Variants in ADAM22 observed in about 807,000 individuals in gnomAD.
The protein encoded by ADAM22 is ADAM metallopeptidase domain 22, also known as disintegrin and metalloproteinase domain-containing protein 22.
In ADAM22, 65 loss-of-function variants were observed where a neutral mutation model predicts 144.6. The ratio of observed to expected loss-of-function variants is 0.45; its 90% CI spans 0.37 to 0.55. The LOEUF (loss-of-function observed/expected upper bound fraction) is 0.55. Among genes scored for constraint, ADAM22 ranks in the 20% least tolerant of loss-of-function variants. The pLI is 0.00. For missense variants in ADAM22, 974 were observed against 1,184.9 expected (o/e 0.82, Z 2.61); for synonymous variants, 391 against 412.6 (o/e 0.95, Z 0.63).
At chr7:88,029,097 T>C (rs1585114285) in intron 3 of ADAM22, among the ~76,000 whole-genome samples, 1 of 152,116 alleles carries the variant, frequency 6.6e-6, no homozygotes, top group Non-Finnish European at 1.5e-5. Flanking sequence ...AATGTTATTA[T>C]TGATAAATAA....
At chr7:88,046,190 G>A (rs1804646123) in intron 3 of ADAM22, among the ~76,000 whole-genome samples, 1 of 152,078 alleles carries the variant, frequency 6.6e-6, no homozygotes, top group South Asian at 2.1e-4. Flanking sequence ...TCAACAGTGT[G>A]TGAGAGTTCC....
In ADAM22 at chr7:88,165,954, CTTAA is replaced by C; in HGVS notation, c.2191+11_2191+14del. 6.3e-7 allele frequency: 1 copy of C among 1,594,882 alleles called. No homozygotes were observed. The highest frequency in any genetic ancestry group is 1.4e-5 in the African/African-American group (1 of 74,052). ...TCACTCTGTCTGGCAATGGTAAGTA[CTTAA>C]TTTGGTAACATTATGTAGTCTTTAT... On this transcript the variant is annotated intron_variant, in intron 24 of 31. Coordinates refer to ENST00000413139, the MANE Select transcript of ADAM22 (RefSeq NM_001324418.2).
At position 88,202,570 on chromosome 7, in the gene ADAM22, G is replaced by C. The variant is rs191249463; in HGVS notation, c.*6079G>C. On this transcript the variant is annotated 3_prime_UTR_variant, in exon 32 of 32. Transcript: ENST00000413139. Reference sequence around the variant, plus strand: ...ATTCGCATTATTTTAACATTTCTCTGCTACTCTGCACTTCAGGTTCGTTAA... The same window carrying C: ...ATTCGCATTATTTTAACATTTCTCTCCTACTCTGCACTTCAGGTTCGTTAA... 26 of 152,238 alleles carry C rather than the reference G, an allele frequency of 1.7e-4. No homozygotes were observed. The highest frequency in any genetic ancestry group is 5.5e-4 in the African/African-American group (23 of 41,558). 9.4% of individuals were successfully genotyped at this position (152,238 alleles called of 1,614,324 possible). A position where few individuals can be genotyped will look rare whatever the true frequency, so the allele number is the denominator to read the frequency against.
chr7:87,980,607 A>G (rs2129449196), intron 3 of ADAM22, among the ~76,000 whole-genome samples: 1 of 152,176 alleles, frequency 6.6e-6, no homozygotes, highest in Non-Finnish European at 1.5e-5. Flanking sequence ...AATAATACAT[A>G]TTTTTTGATT....
chr7:88,025,424 GGGTATT>G (rs1345670643), intron 3 of ADAM22, among the ~76,000 whole-genome samples: 1 of 152,030 alleles, frequency 6.6e-6, no homozygotes, highest in African/African-American at 2.4e-5. Flanking sequence ...TGTGCGTGTG[GGGTATT>G]ACTGGTATTG....
chr7:87,934,516 G>GGA lies in ADAM22; in HGVS notation c.52_53insAG (p.Gly18GlufsTer17), dbSNP rs1280244838. 1 of 1,609,114 alleles carries GGA rather than the reference G, an allele frequency of 6.2e-7. No homozygotes were observed. The highest frequency in any genetic ancestry group is 2.2e-5 in the East Asian group (1 of 44,782). On this transcript the variant is annotated frameshift_variant, in exon 1 of 32. Transcript: ENST00000413139. LOFTEE classifies it high-confidence loss of function. The stretch of plus-strand genomic sequence containing the variant: ...TGCCCTTCTTGCTGCTCTGTGTCCT[G>GGA]GGGACCTGCCCTCCGGCGCGCTGCG...
At chr7:88,030,985 G>A (rs558304220) in intron 3 of ADAM22, among the ~76,000 whole-genome samples, 16 of 152,112 alleles carry the variant, frequency 1.1e-4, no homozygotes, top group Admixed American at 3.3e-4. Flanking sequence ...GCGTGGTGGC[G>A]GGCACCTGTA....
intron 3 of ADAM22, among the ~76,000 whole-genome samples, chr7:88,061,513 A>G (rs1160627089): frequency 1.3e-5 from 2 of 152,204 alleles, no homozygotes; most frequent in Admixed American, 1.3e-4. Flanking sequence ...AAGTATGAAA[A>G]CAACATTAAT....
chr7:88,130,355 GC>G, intron 9 of ADAM22, 32 bp from the exon 10 acceptor site: 1 of 1,566,450 alleles, frequency 6.4e-7, no homozygotes, highest in East Asian at 2.3e-5. Flanking sequence ...TGATCACTTT[GC>G]AAGACCTTCA....
intron 3 of ADAM22, among the ~76,000 whole-genome samples, chr7:88,040,234 C>G (rs1329774162): frequency 1.3e-5 from 2 of 151,950 alleles, no homozygotes; most frequent in African/African-American, 2.4e-5. Flanking sequence ...TAGGTTCAAG[C>G]TATTCTCCTG....
chr7:87,986,044 C>A (rs1353972185), intron 3 of ADAM22, among the ~76,000 whole-genome samples: 1 of 152,122 alleles, frequency 6.6e-6, no homozygotes, highest in African/African-American at 2.4e-5. Flanking sequence ...TTCCATACTT[C>A]TCATGGCTAC....
At chr7:88,106,662 A>G (rs1361649096) in intron 4 of ADAM22, among the ~76,000 whole-genome samples, 1 of 152,200 alleles carries the variant, frequency 6.6e-6, no homozygotes, top group Non-Finnish European at 1.5e-5. Flanking sequence ...AAGATTGGTG[A>G]CAGGATGGAA....
chr7:88,097,262 G>A (rs905323251), intron 4 of ADAM22, among the ~76,000 whole-genome samples: 1 of 145,762 alleles, frequency 6.9e-6, no homozygotes, highest in African/African-American at 2.5e-5. Context: ...AGCGATTCTT[G>A]TGCCTCAGCC....
At chr7:88,142,654 C>T (rs532940915) in intron 14 of ADAM22, among the ~76,000 whole-genome samples, 180 of 151,986 alleles carry the variant, frequency 1.2e-3, no homozygotes, top group Admixed American at 2.5e-3. Context: ...CTGGCTAACA[C>T]GATGAAACCC....
chr7:88,135,943 A>C (rs1832898405), intron 13 of ADAM22, 37 bp from the exon 14 acceptor site: 1 of 1,571,766 alleles, frequency 6.4e-7, no homozygotes, highest in Admixed American at 1.8e-5. Context: ...AACTGTGTTC[A>C]CTTTATAACA....
intron 22 of ADAM22, among the ~76,000 whole-genome samples, chr7:88,161,367 C>G (rs58402460): frequency 1.3e-5 from 2 of 151,928 alleles, no homozygotes; most frequent in African/African-American, 4.8e-5. Context: ...TATAAAAACC[C>G]TGGAAGACAA....
chr7:88,181,383 G>C, intron 27 of ADAM22, 122 bp from the exon 28 acceptor site: 1 of 748,900 alleles, frequency 1.3e-6, no homozygotes, highest in Non-Finnish European at 2.1e-6. Context: ...TTTCATTTCA[G>C]ATTTTTTCTT....
At chr7:87,955,950 C>T (rs1846600596) in intron 2 of ADAM22, among the ~76,000 whole-genome samples, 1 of 152,228 alleles carries the variant, frequency 6.6e-6, no homozygotes, top group South Asian at 2.1e-4. Flanking sequence ...GATATAATCT[C>T]CTGGTGCGCC....
chr7:88,145,060 G>T, intron 15 of ADAM22, 65 bp from the exon 16 acceptor site: 1 of 1,423,970 alleles, frequency 7.0e-7, no homozygotes, highest in Non-Finnish European at 9.8e-7. Flanking sequence ...TGGCACTTAT[G>T]GTCTCTCAAA....
Sources: gnomAD v4.1 joint callset for allele counts (sites outside exome capture counted in the v4.1 genomes callset) on GRCh38, gnomAD v4.1.1 for gene constraint, MANE v1.5 for transcripts, NCBI Gene and HGNC (gene_info 2026-07-23, HGNC 2026-07-21) for gene names.